Variants in ANKRD54 observed in about 807,000 individuals in gnomAD.
The protein encoded by ANKRD54 is ankyrin repeat domain-containing protein 54.
In ANKRD54, 26 loss-of-function variants were observed where a neutral mutation model predicts 36.2. The ratio of observed to expected loss-of-function variants is 0.72; its 90% CI spans 0.53 to 1.00. The LOEUF is 1.00. ANKRD54 is among the 50% of genes least tolerant of loss of function. ANKRD54 has a pLI of 0.00. For synonymous variants in ANKRD54, 209 were observed against 188.4 expected, an observed-to-expected ratio of 1.11 and a Z score of -0.89; for missense variants, 384 against 424.3, an observed-to-expected ratio of 0.91 and a Z score of 0.83.
At chr22:37,841,431 C>A (rs1924225939) in intron 1 of ANKRD54, among the ~76,000 whole-genome samples, 3 of 152,002 alleles carry the variant, frequency 2.0e-5, no homozygotes, top group Admixed American at 2.0e-4. Context: ...GAGGCTCAGG[C>A]AGGAGAATCG....
chr22:37,846,996 G>A (rs1924874094), upstream of ANKRD54, among the ~76,000 whole-genome samples: 1 of 150,212 alleles, frequency 6.7e-6, no homozygotes, highest in African/African-American at 2.4e-5. Flanking sequence ...TGGGACTACA[G>A]GCGCCCGCCA....
Position 37,832,701 on chromosome 22 carries a change from T to A in ANKRD54, c.764A>T (p.His255Leu). The A allele has an allele frequency of 3.1e-6, 5 of 1,614,178 alleles. No homozygotes were observed. Among genetic ancestry groups the A allele is most frequent in the Non-Finnish European group, 4.2e-6 (5 of 1,180,032 alleles). ...LREYLERLGQ[H>L]EQRERLDDLC... is the part of the protein sequence containing the mutation. ...GTCATCCAGGCGTTCTCGCTGCTCA[T>A]GTTGCCCTAGGCGCTCCAGATACTC... Residue 255 changes from histidine (H) to leucine (L), a missense_variant, in exon 7 of 8, where the codon CAT (histidine) becomes CTT (leucine). By Grantham distance (99) the His-to-Leu change is moderately conservative. Transcript: ENST00000215941.
At chr22:37,839,242 C>G (rs1923921629) in intron 2 of ANKRD54, among the ~76,000 whole-genome samples, 1 of 152,028 alleles carries the variant, frequency 6.6e-6, no homozygotes, top group African/African-American at 2.4e-5. Flanking sequence ...AGTTTGCAAG[C>G]CAGCCCATAA....
upstream of ANKRD54, among the ~76,000 whole-genome samples, chr22:37,845,207 C>G (rs1924765152): frequency 6.6e-6 from 1 of 152,068 alleles, no homozygotes; most frequent in Non-Finnish European, 1.5e-5. Flanking sequence ...ATTTGTAATA[C>G]AAAGTGATTA....
At chr22:37,841,587 C>T (rs553038152) in intron 1 of ANKRD54, among the ~76,000 whole-genome samples, 24 of 151,624 alleles carry the variant, frequency 1.6e-4, no homozygotes, top group African/African-American at 5.1e-4. Flanking sequence ...CAGTGGCTCA[C>T]GCCTGTAATC....
chr22:37,831,993 C>T lies in ANKRD54; in HGVS notation c.853G>A (p.Ala285Thr), dbSNP rs375821715. The T allele has an allele frequency of 6.2e-7, 1 of 1,613,282 alleles. No individual in the cohort carries two copies. The part of the protein sequence containing the change: ...EQVDEVTDLL[A>T]SFTSLSLQMQ... ...TGCAGACTGAGGGAGGTGAAGCTGG[C>T]CAGGAGGTCAGTCACTTCATCCACC... is the stretch of plus-strand genomic sequence containing the variant. The change falls in exon 8 of 8, where the codon GCC becomes ACC. Residue 285 changes from alanine (A) to threonine (T), a missense_variant. Physicochemically the swap from Ala to Thr is moderately conservative, Grantham distance 58. This residue lies in a region of ANKRD54 where 179 missense variants were observed against 224.0 expected (regional missense o/e 0.80). Transcript: ENST00000215941.
upstream of ANKRD54, among the ~76,000 whole-genome samples, chr22:37,846,978 C>T (rs954660573): frequency 1.3e-5 from 2 of 150,554 alleles, no homozygotes; most frequent in Non-Finnish European, 3.0e-5. Context: ...CTCAGCCTCC[C>T]AAGTAGCTGG....
upstream of ANKRD54, among the ~76,000 whole-genome samples, chr22:37,846,278 G>A (rs375088235): frequency 3.0e-4 from 45 of 152,148 alleles, 1 homozygote; most frequent in East Asian, 4.0e-3. Context: ...GTACTATATG[G>A]AAAAAAATGC....
chr22:37,842,710 G>A (rs1207978057), intron 1 of ANKRD54, among the ~76,000 whole-genome samples: 3 of 152,132 alleles, frequency 2.0e-5, no homozygotes, highest in African/African-American at 7.2e-5. Flanking sequence ...GCACTTTATG[G>A]TCAATACAAC....
intron 4 of ANKRD54, 148 bp from the exon 5 acceptor site, chr22:37,833,354 A>G (rs768301691): frequency 6.1e-5 from 60 of 991,416 alleles, no homozygotes; most frequent in Non-Finnish European, 8.5e-5. Flanking sequence ...GCTAGGTAGG[A>G]CTCAGAAGTC....
At chr22:37,836,733 T>A (rs567181836) in intron 3 of ANKRD54, among the ~76,000 whole-genome samples, 48 of 144,212 alleles carry the variant, frequency 3.3e-4, no homozygotes, top group Admixed American at 2.6e-3. Flanking sequence ...ACTTAAAGTT[T>A]AAAAAAAAAA....
In ANKRD54 at chr22:37,844,209, G is replaced by C; in HGVS notation, c.30C>G (p.Asp10Glu). The C allele has an allele frequency of 6.6e-7, 1 of 1,522,438 alleles. No homozygotes were observed. The highest frequency in any genetic ancestry group is 1.7e-4 in the Middle Eastern group (1 of 5,890). 94.3% of individuals were successfully genotyped at this position (1,522,438 alleles called of 1,614,324 possible). Reference sequence around the variant, plus strand: ...AGCTCGAGTGGCCTGAGCGCGGCTCGTCGTCCGCGTCCCCGGCGGCGGCTG... The same window carrying C: ...AGCTCGAGTGGCCTGAGCGCGGCTCCTCGTCCGCGTCCCCGGCGGCGGCTG... MAAAAGDAD[D>E]EPRSGHSSSE... is the part of the protein sequence containing the mutation. The change falls in exon 1 of 8, where the codon GAC becomes GAG. Residue 10 changes from aspartate (D) to glutamate (E), a missense_variant. Asp to Glu is a conservative substitution (Grantham distance 45, BLOSUM62 2). This residue lies in a region of ANKRD54 where 195 missense variants were observed against 177.7 expected (regional missense o/e 1.10). Transcript: ENST00000215941.
intron 3 of ANKRD54, among the ~76,000 whole-genome samples, chr22:37,837,790 C>T (rs1923733062): frequency 6.6e-6 from 1 of 152,168 alleles, no homozygotes; most frequent in South Asian, 2.1e-4. Context: ...AGTTCAAGAC[C>T]AGCCTGGCCA....
chr22:37,838,555 A>T lies in ANKRD54; in HGVS notation c.420T>A (p.Asp140Glu), dbSNP rs985666414. The change falls in exon 3 of 8, where the codon GAT becomes GAA. Residue 140 changes from aspartate (D) to glutamate (E), a missense_variant. This residue lies in a region of ANKRD54 where 179 missense variants were observed against 224.0 expected (regional missense o/e 0.80). Coordinates refer to ENST00000215941, the MANE Select transcript of ANKRD54 (RefSeq NM_138797.4). ...AGTGTAGAGCTGTGCGGCCCTTGTC[A>T]TCAGCTGCACAGGGATCCGCGCCAT... ...LEDGADPCAA[D>E]DKGRTALHFA... 4 of 1,611,718 alleles carry T rather than the reference A, an allele frequency of 2.5e-6. No homozygotes were observed.
At chr22:37,837,929 C>T (rs991949203) in intron 3 of ANKRD54, among the ~76,000 whole-genome samples, 1 of 152,074 alleles carries the variant, frequency 6.6e-6, no homozygotes, top group Admixed American at 6.6e-5. Context: ...GTCAGGAGAT[C>T]GAGACCATAC....
At chr22:37,844,843 C>T (rs528569548), upstream of ANKRD54, among the ~76,000 whole-genome samples, 7 of 152,202 alleles carry the variant, frequency 4.6e-5, no homozygotes, top group East Asian at 9.7e-4. Flanking sequence ...GCTGGGATTA[C>T]AGGCGTGAGC....
intron 3 of ANKRD54, among the ~76,000 whole-genome samples, chr22:37,835,361 CAAAT>C (rs528976396): frequency 1.3e-5 from 2 of 151,858 alleles, no homozygotes; most frequent in East Asian, 1.9e-4. Context: ...GACTCTGTCT[CAAAT>C]AAATAAATAA....
Position 37,832,760 on chromosome 22 carries a change from G to A in ANKRD54, c.721-16C>T, listed in dbSNP as rs1380888454. The stretch of plus-strand genomic sequence containing the variant: ...TATGGATGATCTGGAACAAGAGGGT[G>A]AGCTGAGCTGCCTGGGTTCCTAGGG... On this transcript the variant is annotated splice_polypyrimidine_tract_variant and intron_variant, in intron 6 of 7. Coordinates refer to ENST00000215941, the MANE Select transcript of ANKRD54 (RefSeq NM_138797.4). 6.2e-7 allele frequency: 1 copy of A among 1,613,468 alleles called. No individual in the cohort carries two copies. The highest frequency in any genetic ancestry group is 2.2e-5 in the East Asian group (1 of 44,906).
At chr22:37,832,848 G>C in intron 6 of ANKRD54, 104 bp from the exon 7 acceptor site, 1 of 1,604,936 alleles carries the variant, frequency 6.2e-7, no homozygotes, top group Non-Finnish European at 8.5e-7. Context: ...TGGGGTCAGT[G>C]TGAAACAACC....
Sources: gnomAD v4.1 joint callset for allele counts (sites outside exome capture counted in the v4.1 genomes callset) on GRCh38, gnomAD v4.1.1 for gene constraint, gnomAD v4.1.1 regional missense constraint, MANE v1.5 for transcripts, NCBI Gene and HGNC (gene_info 2026-07-23, HGNC 2026-07-21) for gene names.